Variants in WWC2 observed in about 807,000 individuals in gnomAD.
The protein encoded by WWC2 is protein WWC2.
In WWC2, 101 loss-of-function variants were observed where a neutral mutation model predicts 138.5. That is an observed-to-expected ratio of 0.73 (90% confidence interval 0.62 to 0.86). The LOEUF (loss-of-function observed/expected upper bound fraction) is 0.86. Among genes scored for constraint, WWC2 ranks in the 40% least tolerant of loss-of-function variants. The probability of loss-of-function intolerance (pLI) is 0.00; values close to 1 mark genes in which losing one functional copy is unlikely to be tolerated. For missense variants in WWC2, 1,420 were observed against 1,419.4 expected (o/e 1.00, Z -0.01); for synonymous variants, 558 against 538.4 (o/e 1.04, Z -0.50).
intron 16 of WWC2, among the ~76,000 whole-genome samples, chr4:183,271,915 T>C (rs1737706537): frequency 6.6e-6 from 1 of 152,044 alleles, no homozygotes; most frequent in Non-Finnish European, 1.5e-5. Flanking sequence ...CTGAGGTGGG[T>C]GGATCGATTG....
At chr4:183,286,109 T>G in intron 20 of WWC2, 50 bp downstream of exon 20, 1 of 1,499,026 alleles carries the variant, frequency 6.7e-7, no homozygotes, top group Non-Finnish European at 9.1e-7. Flanking sequence ...AGTCCAGAAT[T>G]GTCACTTGTG....
intron 1 of WWC2, among the ~76,000 whole-genome samples, chr4:183,148,497 TTCTA>T (rs1445663870): frequency 6.6e-6 from 1 of 152,220 alleles, no homozygotes; most frequent in Non-Finnish European, 1.5e-5. Context: ...GTTTACTGAA[TTCTA>T]TGAGTATGTT....
At chr4:183,279,401 G>C (rs970501706) in intron 16 of WWC2, among the ~76,000 whole-genome samples, 15 of 151,990 alleles carry the variant, frequency 9.9e-5, no homozygotes, top group Non-Finnish European at 2.2e-4. Context: ...AGGATTTTTG[G>C]ATCAATGTTC....
intron 21 of WWC2, among the ~76,000 whole-genome samples, chr4:183,302,050 T>G (rs1369684513): frequency 1.3e-5 from 2 of 152,156 alleles, no homozygotes. Flanking sequence ...TTTGTATAGC[T>G]CTATCACAGT....
intron 2 of WWC2, among the ~76,000 whole-genome samples, chr4:183,207,210 G>T (rs1465812911): frequency 6.6e-6 from 1 of 151,454 alleles, no homozygotes; most frequent in Non-Finnish European, 1.5e-5. Flanking sequence ...TTTTAAAAGG[G>T]TCTCTGGTTG....
intron 21 of WWC2, among the ~76,000 whole-genome samples, chr4:183,301,190 T>C (rs952352460): frequency 2.0e-5 from 3 of 152,196 alleles, no homozygotes; most frequent in African/African-American, 7.2e-5. Context: ...ATAGAAGTCA[T>C]TTCTCAGTGT....
chr4:183,146,096 T>C (rs1245867481), intron 1 of WWC2, among the ~76,000 whole-genome samples: 3 of 152,200 alleles, frequency 2.0e-5, no homozygotes, highest in African/African-American at 2.4e-5. Flanking sequence ...ATTGGAGAAG[T>C]TGAGCTGACT....
intron 1 of WWC2, among the ~76,000 whole-genome samples, chr4:183,184,430 G>A (rs1390544463): frequency 1.3e-5 from 2 of 152,090 alleles, no homozygotes; most frequent in African/African-American, 2.4e-5. Flanking sequence ...GAATAATGCT[G>A]CTATGATCAT....
intron 1 of WWC2, among the ~76,000 whole-genome samples, chr4:183,183,668 C>T (rs1375814206): frequency 6.6e-6 from 1 of 152,044 alleles, no homozygotes; most frequent in Non-Finnish European, 1.5e-5. Flanking sequence ...GTTCTAGCTC[C>T]TTGGGAGGCT....
At chr4:183,204,775 T>C (rs1196954886) in intron 2 of WWC2, among the ~76,000 whole-genome samples, 2 of 152,330 alleles carry the variant, frequency 1.3e-5, no homozygotes, top group African/African-American at 2.4e-5. Context: ...TAACAAGTAC[T>C]TCTCAGTACT....
In WWC2 at chr4:183,158,854, C is replaced by T. The variant is rs568253685; in HGVS notation, c.132-34745C>T. On this transcript the variant is annotated intron_variant, in intron 1 of 22. Coordinates refer to ENST00000403733, the MANE Select transcript of WWC2 (RefSeq NM_024949.6). The stretch of plus-strand genomic sequence containing the variant: ...AGTGGGCATAGGAAGGAGACTGTAG[C>T]GTGTAATTTATTTTGAAATGATGCA... Among the ~76,000 whole-genome samples the T allele has an allele frequency of 3.9e-5, 6 of 152,168 alleles. 1 individual carries two copies. In the South Asian group the frequency reaches 8.3e-4, roughly 21 times the overall value.
intron 21 of WWC2, among the ~76,000 whole-genome samples, chr4:183,300,606 A>G (rs917555745): frequency 2.6e-5 from 4 of 152,152 alleles, no homozygotes; most frequent in Admixed American, 6.5e-5. Flanking sequence ...TAATAATTCT[A>G]TATGTTTTGC....
chr4:183,310,518 T>C (rs1292721621), intron 21 of WWC2, among the ~76,000 whole-genome samples: 1 of 152,152 alleles, frequency 6.6e-6, no homozygotes, highest in Non-Finnish European at 1.5e-5. Context: ...TGTTTTGGTT[T>C]TTGAAACAGG....
chr4:183,224,642 C>T (rs1375697161), intron 4 of WWC2, among the ~76,000 whole-genome samples: 1 of 152,170 alleles, frequency 6.6e-6, no homozygotes, highest in East Asian at 1.9e-4. Context: ...CTCACTGCAA[C>T]CCCTACCTCC....
At position 183,286,079 on chromosome 4, in the gene WWC2, C is replaced by T. The variant is rs376473799; in HGVS notation, c.3141+20C>T. On this transcript the variant is annotated intron_variant, in intron 20 of 22. Transcript: ENST00000403733. Reference sequence around the variant, plus strand: ...AAAAGGGTATGTATTCCCTCAGCCACGTCCCACTGTCCCTGGACCAGTCCA... The same window carrying T: ...AAAAGGGTATGTATTCCCTCAGCCATGTCCCACTGTCCCTGGACCAGTCCA... 4.0e-5 allele frequency: 62 copies of T among 1,553,010 alleles called. No individual in the cohort carries two copies. Among genetic ancestry groups the T allele is most frequent in the Non-Finnish European group, 5.0e-5 (57 of 1,145,916 alleles).
chr4:183,114,802 C>T (rs999503261), intron 1 of WWC2, among the ~76,000 whole-genome samples: 12 of 151,710 alleles, frequency 7.9e-5, no homozygotes, highest in Non-Finnish European at 1.3e-4. Flanking sequence ...CATAGTACCC[C>T]GTAGGTTGTT....
At chr4:183,247,052 A>G (rs1736801965) in intron 6 of WWC2, among the ~76,000 whole-genome samples, 1 of 152,204 alleles carries the variant, frequency 6.6e-6, no homozygotes, top group Non-Finnish European at 1.5e-5. Flanking sequence ...AGAGATTGAC[A>G]ATAGAGTTAG....
intron 1 of WWC2, among the ~76,000 whole-genome samples, chr4:183,178,449 C>T (rs1241375150): frequency 7.3e-5 from 11 of 151,380 alleles, no homozygotes; most frequent in Admixed American, 7.2e-4. Context: ...CATAGTGGCA[C>T]ATACCGGTAA....
chr4:183,307,382 C>T (rs530212960), intron 21 of WWC2, among the ~76,000 whole-genome samples: 1 of 152,298 alleles, frequency 6.6e-6, no homozygotes, highest in African/African-American at 2.4e-5. Flanking sequence ...AGGAAAAAAA[C>T]TTTATCAACT....
Sources: gnomAD v4.1 joint callset for allele counts (sites outside exome capture counted in the v4.1 genomes callset) on GRCh38, gnomAD v4.1.1 for gene constraint, MANE v1.5 for transcripts, NCBI Gene and HGNC (gene_info 2026-07-23, HGNC 2026-07-21) for gene names.